The following RRP1B variants were observed in gnomAD, a reference collection of about 807,000 sequenced individuals.
RRP1B encodes ribosomal RNA processing protein 1 homolog B.
RRP1B carries 56 observed loss-of-function variants against 80.2 expected under a neutral mutation model. The observed-to-expected ratio is 0.70, with a 90% CI of 0.56 to 0.87. RRP1B has a LOEUF of 0.87. Among genes scored for constraint, RRP1B ranks in the 40% least tolerant of loss-of-function variants. The probability of loss-of-function intolerance (pLI) is 0.00; values close to 1 mark genes in which losing one functional copy is unlikely to be tolerated. For missense variants in RRP1B, 807 were observed against 939.8 expected (o/e 0.86, Z 1.85); for synonymous variants, 351 against 357.6 (o/e 0.98, Z 0.21).
At chr21:43,664,773 GC>G (rs1312869740) in intron 1 of RRP1B, among the ~76,000 whole-genome samples, 1 of 152,200 alleles carries the variant, frequency 6.6e-6, no homozygotes, top group Non-Finnish European at 1.5e-5. Context: ...ATGGCAGACA[GC>G]AAAGGAGAAA....
At chr21:43,660,155 G>A (rs536918170) in intron 1 of RRP1B, among the ~76,000 whole-genome samples, 9 of 152,318 alleles carry the variant, frequency 5.9e-5, no homozygotes, top group Admixed American at 5.9e-4. Context: ...ACGTGACGGG[G>A]CTGCAGGAGA....
At position 43,684,126 on chromosome 21, in the gene RRP1B, C is replaced by T. The variant is rs1366359356; in HGVS notation, c.892-427C>T. Among the ~76,000 whole-genome samples, 4 of 146,700 alleles carry T rather than the reference C, an allele frequency of 2.7e-5. No homozygotes were observed. In the South Asian group the frequency reaches 6.5e-4, roughly 24 times the overall value. On this transcript the variant is annotated intron_variant, in intron 9 of 15. Transcript: ENST00000340648. ...GCACTCTGTCTCCCAGGCTGGAGTG[C>T]GGTGGCTCGATCTCGGCTCACTGCA...
chr21:43,672,410 T>C, intron 3 of RRP1B, 45 bp downstream of exon 3: 2 of 1,535,952 alleles, frequency 1.3e-6, no homozygotes, highest in Non-Finnish European at 9.0e-7. Flanking sequence ...TTTTCCGACT[T>C]GCTAGTTTAA....
chr21:43,672,218 G>A (rs571973883), intron 2 of RRP1B, 90 bp from the exon 3 acceptor site: 160 of 1,086,884 alleles, frequency 1.5e-4, no homozygotes, highest in Middle Eastern at 2.2e-4. Flanking sequence ...TCCCACGAGC[G>A]GAAGTGGGAG....
At chr21:43,660,597 C>G (rs1270983355) in intron 1 of RRP1B, among the ~76,000 whole-genome samples, 2 of 152,124 alleles carry the variant, frequency 1.3e-5, no homozygotes, top group Non-Finnish European at 2.9e-5. Flanking sequence ...AAAAAGAAAA[C>G]CAGATAATAG....
intron 1 of RRP1B, among the ~76,000 whole-genome samples, chr21:43,660,992 A>G (rs947112873): frequency 6.6e-6 from 1 of 152,220 alleles, no homozygotes; most frequent in African/African-American, 2.4e-5. Context: ...TGATGGTACT[A>G]ATACATTTAG....
intron 2 of RRP1B, among the ~76,000 whole-genome samples, chr21:43,671,356 G>T (rs1206513562): frequency 2.0e-5 from 3 of 150,152 alleles, no homozygotes; most frequent in Non-Finnish European, 4.4e-5. Context: ...CTGGGATTAT[G>T]ATGAAGTTTT....
intron 2 of RRP1B, among the ~76,000 whole-genome samples, chr21:43,671,262 G>A (rs887956426): frequency 3.9e-5 from 6 of 152,156 alleles, no homozygotes; most frequent in Admixed American, 3.9e-4. Flanking sequence ...CTGTAGGGAG[G>A]ACTTTCCCAT....
At chr21:43,684,910 C>G (rs1568959368) in intron 10 of RRP1B, among the ~76,000 whole-genome samples, 2 of 152,140 alleles carry the variant, frequency 1.3e-5, no homozygotes, top group African/African-American at 4.8e-5. Context: ...CTATTCATGT[C>G]TAAAATGAAC....
intron 1 of RRP1B, among the ~76,000 whole-genome samples, chr21:43,663,999 T>G (rs867642082): frequency 6.6e-6 from 1 of 152,274 alleles, no homozygotes; most frequent in South Asian, 2.1e-4. Context: ...GATAATGTAC[T>G]TTGCCTTTCA....
chr21:43,689,823 G>A (rs770826628), intron 13 of RRP1B, among the ~76,000 whole-genome samples: 1 of 152,250 alleles, frequency 6.6e-6, no homozygotes, highest in Non-Finnish European at 1.5e-5. Flanking sequence ...AGCCAAGTAC[G>A]AGACCCGGTC....
At chr21:43,665,097 G>C (rs1408342164) in intron 1 of RRP1B, among the ~76,000 whole-genome samples, 1 of 152,218 alleles carries the variant, frequency 6.6e-6, no homozygotes, top group Admixed American at 6.5e-5. Context: ...CGCCTCTGTA[G>C]CACATCATAC....
At chr21:43,670,443 A>G (rs1327355900) in intron 2 of RRP1B, among the ~76,000 whole-genome samples, 1 of 152,262 alleles carries the variant, frequency 6.6e-6, no homozygotes, top group African/African-American at 2.4e-5. Context: ...CCAAACGCGC[A>G]GCAGGCTCGG....
intron 2 of RRP1B, among the ~76,000 whole-genome samples, chr21:43,670,363 T>G (rs2082994773): frequency 2.0e-5 from 3 of 152,280 alleles, no homozygotes; most frequent in Middle Eastern, 3.4e-3. Context: ...GGGCTTCGGG[T>G]TCCATGGAGA....
At chr21:43,676,393 C>T in intron 7 of RRP1B, 57 bp downstream of exon 7, 1 of 1,364,854 alleles carries the variant, frequency 7.3e-7, no homozygotes, top group Non-Finnish European at 1.0e-6. Flanking sequence ...ATGGGAGTTA[C>T]TTGCCGTCGT....
rs773505545 is a variant in RRP1B, at chr21:43,687,804, A to C, written c.1430A>C (p.Lys477Thr). Residue 477 changes from lysine to threonine, a missense_variant, in exon 13 of 16, where the codon AAG (lysine) becomes ACG (threonine). Transcript: ENST00000340648. ...PMHNKRKRPR[K>T]KSPRAHREML... is the part of the protein sequence containing the mutation. ...CACAATAAAAGGAAACGGCCACGGA[A>C]GAAGAGCCCGAGGGCCCACAGGGAA... The C allele has an allele frequency of 5.6e-6, 9 of 1,613,170 alleles. No homozygotes were observed. The East Asian group carries it at 1.8e-4, about 32-fold the overall frequency.
Position 43,670,062 on chromosome 21 carries a change from C to T in RRP1B, c.213+96C>T, listed in dbSNP as rs17004600. On this transcript the variant is annotated intron_variant, in intron 2 of 15. Transcript: ENST00000340648. The stretch of plus-strand genomic sequence containing the variant: ...CTGTGCCAGTCCCCCGATACACTGA[C>T]GCACACTGACAGTCATGCTTCAAGG... 9.6e-3 allele frequency: 7,303 copies of T among 758,792 alleles called. 405 individuals carry two copies. In the African/African-American group the frequency reaches 0.11, roughly 12 times the overall value. The allele number at this position is 758,792 out of a possible 1,614,324, so 47.0% of individuals were successfully genotyped here. A position where few individuals can be genotyped will look rare whatever the true frequency, so the allele number is the denominator to read the frequency against.
At chr21:43,664,232 A>C (rs1601750264) in intron 1 of RRP1B, among the ~76,000 whole-genome samples, 2 of 151,242 alleles carry the variant, frequency 1.3e-5, no homozygotes, top group Non-Finnish European at 2.9e-5. Context: ...TGAGGTTGGG[A>C]GGCTGAGGGA....
Position 43,672,309 on chromosome 21 carries a change from A to G in RRP1B, c.215A>G (p.Glu72Gly), listed in dbSNP as rs1386153157. 6.2e-7 allele frequency: 1 copy of G among 1,614,130 alleles called. No individual in the cohort carries two copies. ...TTCTCCCCAACCCCGCCTCTGCAGGAAGAGCTCGCCAACACCATTGCACAG... is the reference window on the plus strand; with the variant it reads ...TTCTCCCCAACCCCGCCTCTGCAGGGAGAGCTCGCCAACACCATTGCACAG... ...MWVQDEPLLQEELANTIAQLV... is the reference protein window; with the variant it reads ...MWVQDEPLLQGELANTIAQLV... Residue 72 changes from glutamate (E) to glycine (G), a missense_variant and splice_region_variant, in exon 3 of 16, where the codon GAA becomes GGA. Glu to Gly is a moderately conservative substitution (Grantham distance 98, BLOSUM62 -2). Coordinates refer to ENST00000340648, the MANE Select transcript of RRP1B (RefSeq NM_015056.3).
Sources: allele counts gnomAD v4.1 joint callset (sites outside exome capture counted in the v4.1 genomes callset), GRCh38; gene constraint gnomAD v4.1.1; transcripts MANE v1.5; gene names NCBI Gene and HGNC (gene_info 2026-07-23, HGNC 2026-07-21).